Variants in ARID1B observed in about 807,000 individuals in gnomAD.
The protein encoded by ARID1B is AT-rich interaction domain 1B, also known as AT-rich interactive domain-containing protein 1B.
ARID1B carries 30 observed loss-of-function variants against 212.3 expected under a neutral mutation model. The observed-to-expected ratio is 0.14, with a 90% CI of 0.11 to 0.19. The LOEUF is 0.19. Among genes scored for constraint, ARID1B ranks in the 10% least tolerant of loss-of-function variants. ARID1B has a pLI of 1.00. For missense variants in ARID1B, 2,891 were observed against 3,204.0 expected (o/e 0.90, Z 2.36); for synonymous variants, 1,402 against 1,301.7 (o/e 1.08, Z -1.66).
intron 2 of ARID1B, among the ~76,000 whole-genome samples, chr6:156,851,401 G>A (rs888118491): frequency 1.1e-4 from 17 of 152,246 alleles, no homozygotes; most frequent in African/African-American, 4.1e-4. Context: ...ACAATGAAGA[G>A]TACGTTTTTA....
intron 4 of ARID1B, among the ~76,000 whole-genome samples, chr6:157,049,523 A>C (rs1385573227): frequency 6.6e-6 from 1 of 152,226 alleles, no homozygotes; most frequent in Non-Finnish European, 1.5e-5. Flanking sequence ...AAAGCATTTA[A>C]TTGGCTGTTT....
In ARID1B at chr6:156,813,392, C is replaced by T. The variant is rs565644471; in HGVS notation, c.1792-15835C>T. Reference sequence around the variant, plus strand: ...CCTCCCAAAGTGCTAGGATTACAGGCGCGAGCCATTGCGCTCAGGCTATCC... The same window carrying T: ...CCTCCCAAAGTGCTAGGATTACAGGTGCGAGCCATTGCGCTCAGGCTATCC... On this transcript the variant is annotated intron_variant, in intron 1 of 19. Coordinates refer to ENST00000636930, the MANE Select transcript of ARID1B (RefSeq NM_001374828.1). 6.6e-5 allele frequency among the ~76,000 whole-genome samples: 10 copies of T among 152,012 alleles called. No individual in the cohort carries two copies. The South Asian group carries it at 8.3e-4, about 13-fold the overall frequency.
intron 3 of ARID1B, among the ~76,000 whole-genome samples, chr6:156,906,232 G>A (rs986524691): frequency 3.2e-4 from 48 of 152,180 alleles, no homozygotes; most frequent in Admixed American, 9.8e-4. Flanking sequence ...TAGGAGACAG[G>A]AGGATTGAAG....
chr6:156,882,049 G>A (rs1183071416), intron 2 of ARID1B, among the ~76,000 whole-genome samples: 1 of 152,096 alleles, frequency 6.6e-6, no homozygotes, highest in Non-Finnish European at 1.5e-5. Flanking sequence ...GCATGGCCCT[G>A]GGAATTAATA....
At chr6:157,027,860 G>A (rs1780757570) in intron 4 of ARID1B, among the ~76,000 whole-genome samples, 1 of 152,158 alleles carries the variant, frequency 6.6e-6, no homozygotes, top group Admixed American at 6.5e-5. Flanking sequence ...CTGGGAGAGG[G>A]ATTTAAGTAT....
At chr6:157,155,103 T>G (rs1790491102) in intron 8 of ARID1B, among the ~76,000 whole-genome samples, 2 of 152,228 alleles carry the variant, frequency 1.3e-5, no homozygotes, top group South Asian at 4.1e-4. Flanking sequence ...ATACATGCTT[T>G]GCACATTCCC....
At chr6:157,041,399 G>A (rs985275467) in intron 4 of ARID1B, among the ~76,000 whole-genome samples, 3 of 151,914 alleles carry the variant, frequency 2.0e-5, no homozygotes, top group Non-Finnish European at 4.4e-5. Context: ...TTATAGTAAG[G>A]GGTGTAAACA....
chr6:157,205,890 T>C, intron 19 of ARID1B: 3 of 408,116 alleles, frequency 7.4e-6, no homozygotes, highest in South Asian at 2.8e-5. Flanking sequence ...ATTAGAGATA[T>C]GAGAATAAAA....
intron 2 of ARID1B, among the ~76,000 whole-genome samples, chr6:156,894,298 A>ATGGGGGCCGGGGGGGTGGGGC (rs1788208456): frequency 5.4e-5 from 1 of 18,620 alleles, no homozygotes; most frequent in African/African-American, 2.1e-4. Context: ...GGGGGTTGGG[A>ATGGGGGCCGGGGGGGTGGGGC]TGGGGGCCGG....
chr6:157,173,920 C>T, intron 9 of ARID1B, 88 bp from the exon 10 acceptor site: 1 of 1,135,454 alleles, frequency 8.8e-7, no homozygotes. Context: ...CAAGGGCCTC[C>T]TGCTTCACTC....
At chr6:157,003,242 A>T (rs1032884264) in intron 4 of ARID1B, among the ~76,000 whole-genome samples, 3 of 152,158 alleles carry the variant, frequency 2.0e-5, no homozygotes, top group African/African-American at 7.2e-5. Context: ...TGGAGAATGG[A>T]TTGGAAGGGA....
Position 156,887,185 on chromosome 6 carries a change from C to T in ARID1B, c.1987-14191C>T, listed in dbSNP as rs577239050. Among the ~76,000 whole-genome samples the T allele has an allele frequency of 2.2e-3, 342 of 152,246 alleles. 3 individuals carry two copies. The highest frequency in any genetic ancestry group is 3.5e-3 in the Non-Finnish European group (236 of 68,022). On this transcript the variant is annotated intron_variant, in intron 2 of 19. Transcript: ENST00000636930. ...CTGTCCTAGGTAATAGGGACAAAAC[C>T]CCCAGCCTCTTCACTGTCTGTGTCA...
chr6:156,892,259 T>C (rs2128189814), intron 2 of ARID1B, among the ~76,000 whole-genome samples: 1 of 152,194 alleles, frequency 6.6e-6, no homozygotes, highest in East Asian at 1.9e-4. Flanking sequence ...TCTATACATA[T>C]TATGACTTGC....
rs144697041 is a variant in ARID1B, at chr6:156,789,718, G to A, written c.1791+10247G>A. Among the ~76,000 whole-genome samples the A allele has an allele frequency of 1.7e-3, 261 of 152,306 alleles. 2 individuals are homozygous for A. The highest frequency in any genetic ancestry group is 3.4e-3 in the Middle Eastern group (1 of 294). On this transcript the variant is annotated intron_variant, in intron 1 of 19. Coordinates refer to ENST00000636930, the MANE Select transcript of ARID1B (RefSeq NM_001374828.1). Reference sequence around the variant, plus strand: ...GGGCAAGGGCTAGAGCCAAAAGCTGGCAGGTTAGAGAGCACTGGAAGATTA... The same window carrying A: ...GGGCAAGGGCTAGAGCCAAAAGCTGACAGGTTAGAGAGCACTGGAAGATTA...
intron 4 of ARID1B, chr6:157,071,839 G>A (rs1019292946): frequency 6.6e-6 from 1 of 152,130 alleles, no homozygotes; most frequent in African/African-American, 2.4e-5. Context: ...GGGAAGGTTG[G>A]GTTGTTAGAC....
chr6:156,936,843 A>T (rs1173761093), intron 4 of ARID1B: 2 of 149,728 alleles, frequency 1.3e-5, no homozygotes, highest in African/African-American at 2.5e-5. Flanking sequence ...TTACTTCTAA[A>T]CATTTGAGAA....
intron 2 of ARID1B, among the ~76,000 whole-genome samples, chr6:156,851,997 T>C (rs1280237226): frequency 6.6e-6 from 1 of 152,222 alleles, no homozygotes; most frequent in Non-Finnish European, 1.5e-5. Context: ...AAATACTTGT[T>C]ACTTACATAT....
chr6:157,010,461 TACA>T (rs1779528863), intron 4 of ARID1B, among the ~76,000 whole-genome samples: 1 of 151,942 alleles, frequency 6.6e-6, no homozygotes, highest in Non-Finnish European at 1.5e-5. Flanking sequence ...TAGCTGGGAT[TACA>T]GGCAAGCACT....
At chr6:157,122,824 G>A (rs1371645867) in intron 6 of ARID1B, among the ~76,000 whole-genome samples, 2 of 152,064 alleles carry the variant, frequency 1.3e-5, no homozygotes, top group African/African-American at 2.4e-5. Context: ...GATTACAGGT[G>A]TGCACCACCA....
Sources: allele counts gnomAD v4.1 joint callset (sites outside exome capture counted in the v4.1 genomes callset), GRCh38; gene constraint gnomAD v4.1.1; transcripts MANE v1.5; gene names NCBI Gene and HGNC (gene_info 2026-07-23, HGNC 2026-07-21).